Variants in UBE2E2 observed in about 807,000 individuals in gnomAD.
UBE2E2 encodes ubiquitin-conjugating enzyme E2 E2.
UBE2E2 carries 6 observed loss-of-function variants against 24.7 expected under a neutral mutation model. That is an observed-to-expected ratio of 0.24 (90% CI 0.13 to 0.48). The LOEUF (loss-of-function observed/expected upper bound fraction) is 0.48, where lower values mean the gene tolerates loss of function less well. UBE2E2 is among the 20% of genes least tolerant of loss of function. UBE2E2 has a pLI of 0.99. For synonymous variants in UBE2E2, 104 were observed against 83.6 expected (o/e 1.24, Z -1.33); for missense variants, 169 against 245.0 (o/e 0.69, Z 2.07).
chr3:23,555,442 A>G (rs1695754244), intron 5 of UBE2E2, among the ~76,000 whole-genome samples: 1 of 152,210 alleles, frequency 6.6e-6, no homozygotes, highest in Non-Finnish European at 1.5e-5. Context: ...AGATTGGTAC[A>G]GCCCTGAGGG....
chr3:23,529,241 C>T, intron 4 of UBE2E2, among the ~76,000 whole-genome samples: 1 of 152,106 alleles, frequency 6.6e-6, no homozygotes, highest in South Asian at 2.1e-4. Context: ...CAAATCTATA[C>T]ATGTGATAAA....
intron 3 of UBE2E2, among the ~76,000 whole-genome samples, chr3:23,487,730 C>T (rs564893605): frequency 2.1e-4 from 32 of 152,278 alleles, no homozygotes; most frequent in African/African-American, 4.8e-4. Context: ...AGGATTTGGA[C>T]GCTTCATCTC....
intron 4 of UBE2E2, among the ~76,000 whole-genome samples, chr3:23,509,282 C>G (rs944398864): frequency 3.3e-5 from 5 of 152,152 alleles, no homozygotes; most frequent in African/African-American, 1.2e-4. Flanking sequence ...GGAACCAGAT[C>G]AAGACATGGA....
At chr3:23,318,834 C>T (rs1694660786) in intron 3 of UBE2E2, among the ~76,000 whole-genome samples, 2 of 152,172 alleles carry the variant, frequency 1.3e-5, no homozygotes, top group Admixed American at 1.3e-4. Flanking sequence ...ATATCAAACA[C>T]TTCCCAAAAT....
intron 3 of UBE2E2, among the ~76,000 whole-genome samples, chr3:23,416,711 C>T (rs1697643424): frequency 6.6e-6 from 1 of 152,196 alleles, no homozygotes; most frequent in Non-Finnish European, 1.5e-5. Flanking sequence ...TTGGTCTTTT[C>T]ACATAGTCCC....
intron 3 of UBE2E2, among the ~76,000 whole-genome samples, chr3:23,390,584 G>C (rs1344566023): frequency 6.6e-6 from 1 of 152,160 alleles, no homozygotes; most frequent in East Asian, 1.9e-4. Flanking sequence ...AGTGTAAAAG[G>C]CTGTCTTCCT....
chr3:23,438,334 G>A (rs1003776823), intron 3 of UBE2E2, among the ~76,000 whole-genome samples: 1 of 152,156 alleles, frequency 6.6e-6, no homozygotes, highest in Non-Finnish European at 1.5e-5. Context: ...GGAGGATTTA[G>A]GGTACCAGAA....
intron 4 of UBE2E2, among the ~76,000 whole-genome samples, 160 bp downstream of exon 4, chr3:23,499,900 G>A (rs1263686414): frequency 6.6e-6 from 1 of 152,142 alleles, no homozygotes; most frequent in Non-Finnish European, 1.5e-5. Context: ...GTAAAAAATT[G>A]TAGGTTATTC....
intron 3 of UBE2E2, among the ~76,000 whole-genome samples, chr3:23,452,070 T>C (rs1433838766): frequency 6.6e-6 from 1 of 152,192 alleles, no homozygotes; most frequent in Non-Finnish European, 1.5e-5. Flanking sequence ...GATGTTTTTC[T>C]GGGCTTTGGA....
chr3:23,541,268 A>G (rs961996725), intron 5 of UBE2E2, among the ~76,000 whole-genome samples: 2 of 152,246 alleles, frequency 1.3e-5, no homozygotes, highest in African/African-American at 4.8e-5. Context: ...TTCTGACTCA[A>G]CTTTTCATTC....
At chr3:23,267,526 A>G (rs1276670184) in intron 3 of UBE2E2, among the ~76,000 whole-genome samples, 1 of 152,208 alleles carries the variant, frequency 6.6e-6, no homozygotes, top group African/African-American at 2.4e-5. Flanking sequence ...ATCTCTGAAT[A>G]GACCAATAAC....
At chr3:23,419,657 A>T (rs572034611) in intron 3 of UBE2E2, among the ~76,000 whole-genome samples, 25 of 152,248 alleles carry the variant, frequency 1.6e-4, no homozygotes, top group Admixed American at 1.6e-3. Flanking sequence ...GCCAAACTAG[A>T]TTGTGAGCTC....
intron 3 of UBE2E2, among the ~76,000 whole-genome samples, chr3:23,382,129 C>T (rs997370735): frequency 6.7e-6 from 1 of 149,862 alleles, no homozygotes; most frequent in Non-Finnish European, 1.5e-5. Context: ...TATGAAATAT[C>T]AACAAACTAA....
At chr3:23,585,206 C>A (rs1021614864) in intron 5 of UBE2E2, among the ~76,000 whole-genome samples, 3 of 150,694 alleles carry the variant, frequency 2.0e-5, no homozygotes, top group African/African-American at 7.3e-5. Context: ...CCGTCTCTAC[C>A]AAAAAAAATA....
intron 3 of UBE2E2, among the ~76,000 whole-genome samples, chr3:23,423,682 A>G (rs1697856263): frequency 6.6e-6 from 1 of 152,232 alleles, no homozygotes; most frequent in Non-Finnish European, 1.5e-5. Context: ...AATAGGTACT[A>G]GGTGCTTAAA....
intron 3 of UBE2E2, among the ~76,000 whole-genome samples, chr3:23,471,781 T>C (rs1173891538): frequency 6.6e-6 from 1 of 152,108 alleles, no homozygotes; most frequent in Non-Finnish European, 1.5e-5. Flanking sequence ...AAAGTCCATA[T>C]AAAAAGTGGG....
intron 3 of UBE2E2, among the ~76,000 whole-genome samples, chr3:23,398,032 GC>G (rs1178582633): frequency 1.3e-5 from 2 of 152,066 alleles, no homozygotes; most frequent in East Asian, 3.8e-4. Flanking sequence ...GAAACTTGGG[GC>G]CAGGCGCGGT....
chr3:23,286,868 T>G (rs1451965236), intron 3 of UBE2E2, among the ~76,000 whole-genome samples: 1 of 152,166 alleles, frequency 6.6e-6, no homozygotes, highest in Non-Finnish European at 1.5e-5. Flanking sequence ...CTTCTTAGAT[T>G]AAGCTAATTT....
At chr3:23,305,494 T>C (rs566613700) in intron 3 of UBE2E2, among the ~76,000 whole-genome samples, 4 of 152,354 alleles carry the variant, frequency 2.6e-5, no homozygotes, top group African/African-American at 9.6e-5. Flanking sequence ...CCAGGAGTTT[T>C]ACCTGCTGTT....
Sources: allele counts gnomAD v4.1 joint callset (sites outside exome capture counted in the v4.1 genomes callset), GRCh38; gene constraint gnomAD v4.1.1; transcripts MANE v1.5; gene names NCBI Gene and HGNC (gene_info 2026-07-23, HGNC 2026-07-21).